FNTB: variants seen among roughly 807,000 people sequenced by gnomAD.
FNTB encodes the protein farnesyltransferase, CAAX box, subunit beta, also known as protein farnesyltransferase subunit beta.
A neutral mutation model predicts 59.4 loss-of-function variants in FNTB; 27 were observed. The ratio of observed to expected loss-of-function variants is 0.45; its 90% confidence interval spans 0.34 to 0.63. The LOEUF is 0.63. Ranked by LOEUF, FNTB falls within the 20% of genes least tolerant of loss-of-function variation. FNTB has a pLI of 0.02. For missense variants in FNTB, 449 were observed against 559.6 expected, an observed-to-expected ratio of 0.80 and a Z score of 1.99; for synonymous variants, 230 against 220.7, an observed-to-expected ratio of 1.04 and a Z score of -0.37.
intron 2 of FNTB, among the ~76,000 whole-genome samples, chr14:65,008,212 C>T (rs2061626358): frequency 2.0e-5 from 3 of 152,220 alleles, no homozygotes. Flanking sequence ...AGAAAGTCCC[C>T]AGGAACCAGC....
intron 11 of FNTB, among the ~76,000 whole-genome samples, chr14:65,057,396 G>GAGAT (rs1422107966): frequency 6.6e-6 from 1 of 152,102 alleles, no homozygotes; most frequent in Non-Finnish European, 1.5e-5. Context: ...TCCAGTCTGG[G>GAGAT]AGATAGAGTG....
rs1467994056 is a variant in FNTB, at chr14:64,992,906, A to G, written c.144+5809A>G. On this transcript the variant is annotated intron_variant, in intron 1 of 11. Transcript: ENST00000246166. ...CAGGCTGGAGTGCAGTGGCATGATC[A>G]TGGCTCACTGTAGCAACTTTCCAGG... Among the ~76,000 whole-genome samples the G allele has an allele frequency of 2.0e-5, 3 of 152,258 alleles. No homozygotes were observed. In the East Asian group the frequency reaches 5.8e-4, roughly 29 times the overall value.
intron 1 of FNTB, among the ~76,000 whole-genome samples, chr14:65,000,815 C>CAAAAAAAAAAAAAAAAA (rs59420832): frequency 8.2e-5 from 3 of 36,478 alleles, no homozygotes; most frequent in African/African-American, 1.7e-4. Context: ...GACTCCGTCT[C>CAAAAAAAAAAAAAAAAA]AAAAAAAAAA....
chr14:65,000,986 G>A (rs1405435105), intron 1 of FNTB, among the ~76,000 whole-genome samples: 2 of 152,054 alleles, frequency 1.3e-5, no homozygotes, highest in African/African-American at 4.8e-5. Context: ...TGAAGATAAT[G>A]GATGAGGCAG....
intron 1 of FNTB, among the ~76,000 whole-genome samples, chr14:65,002,788 G>C (rs1282946189): frequency 1.3e-5 from 2 of 151,926 alleles, no homozygotes; most frequent in Admixed American, 1.3e-4. Flanking sequence ...GGAGTTTGTT[G>C]ATTGATTGAA....
intron 1 of FNTB, chr14:64,987,502 C>T (rs1463990327): frequency 1.9e-5 from 4 of 209,730 alleles, no homozygotes; most frequent in Non-Finnish European, 3.0e-5. Context: ...AGGCAGAGAG[C>T]AGGGCCAGGC....
chr14:65,027,574 G>A lies in FNTB; in HGVS notation c.496G>A (p.Glu166Lys), dbSNP rs749833564. Residue 166 changes from glutamate to lysine, a missense_variant, in exon 5 of 12, where the codon GAG becomes AAG. By Grantham distance (56) the Glu-to-Lys change is moderately conservative (BLOSUM62 1). This residue lies in a region of FNTB where 337 missense variants were observed against 479.1 expected (regional missense o/e 0.70). Transcript: ENST00000246166. This position sits in a 1 kb window ranked among gnomAD's most constrained non-coding sequence, Gnocchi z 5.7. The part of the protein sequence containing the change: ...AVNALCIIGT[E>K]EAYDIINREK... ...CAATGCATTGTGCATCATTGGCACC[G>A]AGGAGGCCTATGACATCATTAACAG... 2.3e-5 allele frequency: 37 copies of A among 1,614,062 alleles called. No individual in the cohort carries two copies. The highest frequency in any genetic ancestry group is 2.9e-5 in the Non-Finnish European group (34 of 1,180,040).
chr14:65,040,987 G>A, intron 8 of FNTB, 68 bp downstream of exon 8: 2 of 1,582,862 alleles, frequency 1.3e-6, no homozygotes, highest in Non-Finnish European at 1.7e-6. Flanking sequence ...ACTCAGACAT[G>A]CAGGCTTCAG....
At chr14:65,058,583 T>G (rs921801231) in intron 11 of FNTB, among the ~76,000 whole-genome samples, 6 of 152,256 alleles carry the variant, frequency 3.9e-5, no homozygotes, top group Non-Finnish European at 7.3e-5. Context: ...AGCATGATGT[T>G]TACTGTAAGG....
chr14:65,042,708 A>C (rs2062379679), intron 8 of FNTB, among the ~76,000 whole-genome samples: 1 of 152,240 alleles, frequency 6.6e-6, no homozygotes, highest in South Asian at 2.1e-4. Flanking sequence ...TAGCCCAAGG[A>C]AACAGAACAA....
rs2062515294 is a variant in FNTB at position 65,047,763 on chromosome 14, A to G, written c.955+3320A>G. On this transcript the variant is annotated intron_variant, in intron 9 of 11. Transcript: ENST00000246166. This position sits in a 1 kb window ranked among gnomAD's most constrained non-coding sequence, Gnocchi z 5.2. ...AAAGGTTAAGGGTTAAATAATAAAA[A>G]TCTCTCCAAACAGTAGCTGCATACC... Among the ~76,000 whole-genome samples, 1 of 152,148 alleles carries G rather than the reference A, an allele frequency of 6.6e-6. No homozygotes were observed. The highest frequency in any genetic ancestry group is 2.4e-5 in the African/African-American group (1 of 41,432).
Position 65,047,333 on chromosome 14 carries a change from G to T in FNTB, c.955+2890G>T, listed in dbSNP as rs1326527854. 1.3e-5 allele frequency among the ~76,000 whole-genome samples: 2 copies of T among 152,252 alleles called. No individual in the cohort carries two copies. Among genetic ancestry groups the T allele is most frequent in the Non-Finnish European group, 2.9e-5 (2 of 68,048 alleles). ...TAATACCTGATTGGCACTCACAAGG[G>T]TTAGTATGTGGTTGTGTGAATCCAG... On this transcript the variant is annotated intron_variant, in intron 9 of 11. Coordinates refer to ENST00000246166, the MANE Select transcript of FNTB (RefSeq NM_002028.4). The surrounding 1 kb of genome is among the most constrained non-coding windows in gnomAD (Gnocchi z 5.2).
intron 4 of FNTB, among the ~76,000 whole-genome samples, chr14:65,024,920 CT>C (rs543098960): frequency 1.3e-3 from 191 of 152,016 alleles, no homozygotes; most frequent in Non-Finnish European, 2.5e-3. Context: ...TGCCTGGCTC[CT>C]TTTTTTTGTT....
intron 7 of FNTB, among the ~76,000 whole-genome samples, chr14:65,035,112 A>T (rs932555511): frequency 2.6e-5 from 4 of 152,162 alleles, no homozygotes; most frequent in Admixed American, 2.0e-4. Flanking sequence ...CTGTTTCTGG[A>T]TTCGTCCTCA....
chr14:65,061,094 T>C (rs1307304970), intron 11 of FNTB, 87 bp from the exon 12 acceptor site: 29 of 1,556,426 alleles, frequency 1.9e-5, no homozygotes, highest in Non-Finnish European at 2.4e-5. Context: ...ACTAAATTCT[T>C]AGAAGTGCCT....
At chr14:65,041,010 A>G (rs1260861572) in intron 8 of FNTB, 91 bp downstream of exon 8, 17 of 1,549,934 alleles carry the variant, frequency 1.1e-5, no homozygotes, top group East Asian at 2.3e-5. Flanking sequence ...GAGTTTGGCT[A>G]TGGGAAGGGC....
intron 4 of FNTB, chr14:65,022,041 T>C (rs1013608118): frequency 2.2e-6 from 1 of 456,008 alleles, no homozygotes; most frequent in South Asian, 1.5e-5. Context: ...CACGTCTGAC[T>C]CTGTGAGCAG....
intron 4 of FNTB, among the ~76,000 whole-genome samples, chr14:65,024,289 T>C (rs1240597934): frequency 1.3e-5 from 2 of 151,956 alleles, no homozygotes; most frequent in Non-Finnish European, 2.9e-5. Context: ...CCATAGTGAT[T>C]CCGGTTTAAT....
intron 1 of FNTB, among the ~76,000 whole-genome samples, chr14:64,992,225 A>G (rs944919478): frequency 6.6e-6 from 1 of 152,170 alleles, no homozygotes; most frequent in Non-Finnish European, 1.5e-5. Flanking sequence ...GTAATCCTGC[A>G]TATCAAAATT....
Sources: gnomAD v4.1 joint callset for allele counts (sites outside exome capture counted in the v4.1 genomes callset) on GRCh38, gnomAD v4.1.1 for gene constraint, gnomAD v4.1.1 regional missense constraint, Gnocchi (gnomAD v3.1) non-coding constraint, MANE v1.5 for transcripts, NCBI Gene and HGNC (gene_info 2026-07-23, HGNC 2026-07-21) for gene names.